GLCE: variants seen among roughly 807,000 people sequenced by gnomAD.
GLCE encodes the protein D-glucuronyl C5-epimerase.
Under a neutral mutation model 47.9 loss-of-function variants are expected in GLCE, and 19 were observed. The ratio of observed to expected loss-of-function variants is 0.40; its 90% CI spans 0.28 to 0.58. The LOEUF is 0.58. GLCE is among the 20% of genes least tolerant of loss of function. The pLI, the probability that GLCE is intolerant of heterozygous loss-of-function variation, is 0.48. For missense variants in GLCE, 556 were observed against 743.3 expected (o/e 0.75, Z 2.93); for synonymous variants, 245 against 263.4 (o/e 0.93, Z 0.68).
At chr15:69,168,227 G>T (rs1322187914) in intron 1 of GLCE, among the ~76,000 whole-genome samples, 6 of 152,108 alleles carry the variant, frequency 3.9e-5, no homozygotes. Flanking sequence ...GAGCCTAGGA[G>T]TTTGAGATCA....
At chr15:69,177,354 C>T (rs1184912744) in intron 1 of GLCE, among the ~76,000 whole-genome samples, 1 of 152,154 alleles carries the variant, frequency 6.6e-6, no homozygotes, top group African/African-American at 2.4e-5. Flanking sequence ...TGAGCCACTG[C>T]ACCCGGCCTT....
chr15:69,198,251 C>T (rs778490046), intron 1 of GLCE, among the ~76,000 whole-genome samples: 1 of 152,274 alleles, frequency 6.6e-6, no homozygotes, highest in East Asian at 1.9e-4. Context: ...TGTTATTACT[C>T]AACTATTGGT....
At position 69,270,925 on chromosome 15, in the gene GLCE, A is replaced by G. The variant is rs900174246; in HGVS notation, c.*1681A>G. Reference sequence around the variant, plus strand: ...GACCTTTGCATTTCATATATGTTAGATGTCTCAGCAAGAATATCTGGTCTC... The same window carrying G: ...GACCTTTGCATTTCATATATGTTAGGTGTCTCAGCAAGAATATCTGGTCTC... On this transcript the variant is annotated 3_prime_UTR_variant, in exon 5 of 5. Transcript: ENST00000261858. 7 of 152,178 alleles carry G rather than the reference A, an allele frequency of 4.6e-5. No individual in the cohort carries two copies. Among genetic ancestry groups the G allele is most frequent in the African/African-American group, 1.7e-4 (7 of 41,442 alleles). The allele number at this position is 152,178 out of a possible 1,614,324, so 9.4% of individuals were successfully genotyped here.
intron 1 of GLCE, chr15:69,196,940 C>T (rs1319602424): frequency 4.5e-6 from 1 of 221,212 alleles, no homozygotes; most frequent in Non-Finnish European, 9.2e-6. Context: ...TGAGAAGAAG[C>T]TCCAGAGCAC....
In GLCE at chr15:69,268,833, T is replaced by C. The variant is rs373064508; in HGVS notation, c.1443T>C (p.Ser481=). ...CAACAGCCCCTTATAAGTTTCTATC[T>C]GAGCAGCATGGAGTTAAAGCTGTGT... ...LRATAPYKFL[S]EQHGVKAVFM... The change falls in exon 5 of 5, where the codon TCT becomes TCC. Residue 481 remains serine (S), a synonymous_variant. Coordinates refer to ENST00000261858, the MANE Select transcript of GLCE (RefSeq NM_015554.3). 2 of 1,614,240 alleles carry C rather than the reference T, an allele frequency of 1.2e-6. No individual in the cohort carries two copies. The highest frequency in any genetic ancestry group is 1.7e-6 in the Non-Finnish European group (2 of 1,180,028).
At chr15:69,166,835 G>A (rs1205042995) in intron 1 of GLCE, among the ~76,000 whole-genome samples, 1 of 138,422 alleles carries the variant, frequency 7.2e-6, no homozygotes, top group Non-Finnish European at 1.5e-5. Context: ...CAGGAAAATT[G>A]CTTGAGCCTG....
At chr15:69,251,068 T>G (rs1214197342) in intron 2 of GLCE, among the ~76,000 whole-genome samples, 5 of 152,164 alleles carry the variant, frequency 3.3e-5, no homozygotes, top group Non-Finnish European at 7.4e-5. Flanking sequence ...CCTTTTTTAT[T>G]TTCATATCAC....
intron 1 of GLCE, among the ~76,000 whole-genome samples, chr15:69,198,889 T>C (rs1407857147): frequency 6.6e-6 from 1 of 152,114 alleles, no homozygotes; most frequent in Non-Finnish European, 1.5e-5. Flanking sequence ...TTACTAGGTC[T>C]AGCCCACACT....
intron 1 of GLCE, among the ~76,000 whole-genome samples, chr15:69,203,467 GAGA>G (rs1183691767): frequency 2.6e-5 from 4 of 152,094 alleles, no homozygotes; most frequent in Non-Finnish European, 5.9e-5. Context: ...AACATCAAGT[GAGA>G]AGATTACATG....
At chr15:69,228,123 C>T (rs1459894600) in intron 2 of GLCE, among the ~76,000 whole-genome samples, 3 of 152,200 alleles carry the variant, frequency 2.0e-5, no homozygotes. Flanking sequence ...TTATGCTTTT[C>T]CTTCCCATAA....
At chr15:69,232,836 A>G (rs923486986) in intron 2 of GLCE, among the ~76,000 whole-genome samples, 5 of 152,230 alleles carry the variant, frequency 3.3e-5, no homozygotes, top group African/African-American at 9.6e-5. Flanking sequence ...ATTTTTTGAC[A>G]TAAATGCAGC....
At chr15:69,242,740 GT>G (rs1274686400) in intron 2 of GLCE, among the ~76,000 whole-genome samples, 4 of 151,844 alleles carry the variant, frequency 2.6e-5, no homozygotes, top group African/African-American at 9.7e-5. Flanking sequence ...CTAGTTTATG[GT>G]TGCTGAAGTT....
intron 2 of GLCE, among the ~76,000 whole-genome samples, chr15:69,238,801 G>A (rs2052627244): frequency 6.6e-6 from 1 of 152,150 alleles, no homozygotes; most frequent in Non-Finnish European, 1.5e-5. Flanking sequence ...CAGTGTGTCT[G>A]AATAAGGCAT....
At chr15:69,218,553 A>G (rs1393121634) in intron 2 of GLCE, among the ~76,000 whole-genome samples, 1 of 152,156 alleles carries the variant, frequency 6.6e-6, no homozygotes, top group Non-Finnish European at 1.5e-5. Context: ...ATCTCTCTAA[A>G]CTTAAGCCTG....
At chr15:69,224,326 ATTTTC>A (rs1341312040) in intron 2 of GLCE, among the ~76,000 whole-genome samples, 14 of 151,940 alleles carry the variant, frequency 9.2e-5, no homozygotes, top group Admixed American at 7.9e-4. Flanking sequence ...CTTCCCAGGT[ATTTTC>A]TTTGCATCTT....
chr15:69,254,988 A>G (rs898931572), intron 2 of GLCE, among the ~76,000 whole-genome samples: 1 of 152,206 alleles, frequency 6.6e-6, no homozygotes, highest in Non-Finnish European at 1.5e-5. Flanking sequence ...AAGAACAGCC[A>G]GTGGGATTTT....
Position 69,262,029 on chromosome 15 carries a change from A to G in GLCE, c.829+700A>G, listed in dbSNP as rs888827902. ...GTTAGCACCTCAGGTTTAATTCTCT[A>G]TGGGGGAATGTTGTCAAGTACAGAA... On this transcript the variant is annotated intron_variant, in intron 4 of 4. Coordinates refer to ENST00000261858, the MANE Select transcript of GLCE (RefSeq NM_015554.3). Among the ~76,000 whole-genome samples, 3 of 152,216 alleles carry G rather than the reference A, an allele frequency of 2.0e-5. No homozygotes were observed. In the South Asian group the frequency reaches 6.2e-4, roughly 31 times the overall value.
intron 2 of GLCE, among the ~76,000 whole-genome samples, chr15:69,238,791 C>T (rs2052627070): frequency 6.6e-6 from 1 of 152,106 alleles, no homozygotes. Context: ...TACATGCCTT[C>T]AGTGTGTCTG....
At position 69,272,059 on chromosome 15, in the gene GLCE, A is replaced by G. The variant is rs2053173517; in HGVS notation, c.*2815A>G. The G allele has an allele frequency of 6.6e-6, 1 of 152,628 alleles. No homozygotes were observed. The highest frequency in any genetic ancestry group is 6.5e-5 in the Admixed American group (1 of 15,282). 9.5% of individuals were successfully genotyped at this position (152,628 alleles called of 1,614,324 possible). A position where few individuals can be genotyped will look rare whatever the true frequency, so the allele number is the denominator to read the frequency against. On this transcript the variant is annotated 3_prime_UTR_variant, in exon 5 of 5. Transcript: ENST00000261858. ...GTACAGACTTTGCAGTTTAAGCACAATGTGCACATGTTAGTTTTATATACA... is the reference window on the plus strand; with the variant it reads ...GTACAGACTTTGCAGTTTAAGCACAGTGTGCACATGTTAGTTTTATATACA...
Sources: allele counts gnomAD v4.1 joint callset (sites outside exome capture counted in the v4.1 genomes callset), GRCh38; gene constraint gnomAD v4.1.1; transcripts MANE v1.5; gene names NCBI Gene and HGNC (gene_info 2026-07-23, HGNC 2026-07-21).